AKAP6: variants seen among roughly 807,000 people sequenced by gnomAD.
AKAP6 encodes A-kinase anchoring protein 6.
In AKAP6, 58 loss-of-function variants were observed where a neutral mutation model predicts 188.5. The observed-to-expected ratio is 0.31, with a 90% CI of 0.25 to 0.38. The LOEUF is 0.38. Ranked by LOEUF, AKAP6 falls within the 10% of genes least tolerant of loss-of-function variation. The probability of loss-of-function intolerance (pLI) is 1.00; values close to 1 mark genes in which losing one functional copy is unlikely to be tolerated. For missense variants in AKAP6, 2,710 were observed against 2,740.0 expected, an observed-to-expected ratio of 0.99 and a Z score of 0.24; for synonymous variants, 989 against 998.6, an observed-to-expected ratio of 0.99 and a Z score of 0.18.
intron 7 of AKAP6, among the ~76,000 whole-genome samples, chr14:32,650,393 G>T (rs946955562): frequency 6.6e-6 from 1 of 152,058 alleles, no homozygotes; most frequent in Non-Finnish European, 1.5e-5. Flanking sequence ...CGGGCGGATT[G>T]CTTGAGGCCA....
chr14:32,439,715 G>A (rs1890506554), intron 2 of AKAP6, among the ~76,000 whole-genome samples: 1 of 152,138 alleles, frequency 6.6e-6, no homozygotes, highest in Admixed American at 6.6e-5. Flanking sequence ...TCTAAAACAT[G>A]CCCTTGGATT....
rs77073935 is a variant in AKAP6 at position 32,358,410 on chromosome 14, T to C, written c.-35+29002T>C. Among the ~76,000 whole-genome samples the C allele has an allele frequency of 6.5e-3, 996 of 152,314 alleles. 9 individuals are homozygous for C. Among genetic ancestry groups the C allele is most frequent in the Non-Finnish European group, 9.8e-3 (670 of 68,028 alleles). On this transcript the variant is annotated intron_variant, in intron 1 of 13. Transcript: ENST00000280979. ...AAACTGTTTGTTCTTGGCATAAAAA[T>C]GAAATGAACTCTTGCTTATTTTCTT...
intron 12 of AKAP6, among the ~76,000 whole-genome samples, chr14:32,787,040 G>A (rs1407077379): frequency 6.6e-6 from 1 of 152,162 alleles, no homozygotes; most frequent in Non-Finnish European, 1.5e-5. Context: ...CGATAAATGG[G>A]ATGGCCCCAG....
At chr14:32,681,817 T>G (rs1889688832) in intron 8 of AKAP6, among the ~76,000 whole-genome samples, 1 of 152,092 alleles carries the variant, frequency 6.6e-6, no homozygotes, top group Non-Finnish European at 1.5e-5. Context: ...TCACTGGGAC[T>G]ACTGGGGTGG....
At position 32,786,296 on chromosome 14, in the gene AKAP6, A is replaced by ATGTTTTTTTTTTTTTTTTTTTTTT; in HGVS notation, c.3588+12404_3588+12405insGTTTTTTTTTTTTTTTTTTTTTTT. Among the ~76,000 whole-genome samples, 449 of 93,618 alleles carry ATGTTTTTTTTTTTTTTTTTTTTTT rather than the reference A, an allele frequency of 4.8e-3. 154 individuals are homozygous for ATGTTTTTTTTTTTTTTTTTTTTTT. The highest frequency in any genetic ancestry group is 5.4e-3 in the East Asian group (18 of 3,348). 61.4% of individuals were successfully genotyped at this position (93,618 alleles called of 152,430 possible). A position where few individuals can be genotyped will look rare whatever the true frequency, so the allele number is the denominator to read the frequency against. ...AGCCCTCTGAAAGACCTAAACCTTT[A>ATGTTTTTTTTTTTTTTTTTTTTTT]TCTTTTTTTTTTTTTTTTTTTTTTT... On this transcript the variant is annotated intron_variant, in intron 12 of 13. Transcript: ENST00000280979.
At chr14:32,644,659 A>G (rs1226252831) in intron 7 of AKAP6, among the ~76,000 whole-genome samples, 4 of 152,072 alleles carry the variant, frequency 2.6e-5, no homozygotes, top group Non-Finnish European at 5.9e-5. Flanking sequence ...TTGGGGACCA[A>G]CATTTTTTTT....
rs1301096572 is a variant in AKAP6, at chr14:32,831,594, A to C, written c.*1789A>C. On this transcript the variant is annotated 3_prime_UTR_variant, in exon 14 of 14. Transcript: ENST00000280979. ...CCAGAAGATGCAATGTTGAACAAAC[A>C]GACAAAGCCCTGCCCTCAGAAGGCT... is the stretch of plus-strand genomic sequence containing the variant. 1 of 152,248 alleles carries C rather than the reference A, an allele frequency of 6.6e-6. No individual in the cohort carries two copies. Among genetic ancestry groups the C allele is most frequent in the Non-Finnish European group, 1.5e-5 (1 of 68,040 alleles). 9.4% of individuals were successfully genotyped at this position (152,248 alleles called of 1,614,324 possible).
intron 1 of AKAP6, among the ~76,000 whole-genome samples, chr14:32,330,667 T>C (rs1263862596): frequency 1.3e-5 from 2 of 150,646 alleles, no homozygotes; most frequent in Non-Finnish European, 3.0e-5. Context: ...TAAAGAGATA[T>C]ATCATGGAAA....
At chr14:32,419,558 A>G (rs1461115363) in intron 1 of AKAP6, among the ~76,000 whole-genome samples, 3 of 152,160 alleles carry the variant, frequency 2.0e-5, no homozygotes, top group East Asian at 1.9e-4. Flanking sequence ...GCCTGATTCA[A>G]TTGTCTTAAA....
chr14:32,678,338 G>A lies in AKAP6; in HGVS notation c.2758G>A (p.Ala920Thr), dbSNP rs372455705. ...TGAGGTTCAACTATGCTACCTGGAA[G>A]CACAAAGAGATGCTGTTGAGCAGAT... The part of the protein sequence containing the change: ...KAEVQLCYLE[A>T]QRDAVEQMSL... Residue 920 changes from alanine to threonine, a missense_variant, in exon 8 of 14, where the codon GCA becomes ACA. Coordinates refer to ENST00000280979, the MANE Select transcript of AKAP6 (RefSeq NM_004274.5). 1.1e-4 allele frequency: 182 copies of A among 1,612,796 alleles called. 1 individual carries two copies. The highest frequency in any genetic ancestry group is 1.2e-4 in the Non-Finnish European group (142 of 1,179,192).
intron 1 of AKAP6, among the ~76,000 whole-genome samples, chr14:32,394,102 T>C (rs746744116): frequency 6.6e-6 from 1 of 152,182 alleles, no homozygotes; most frequent in Non-Finnish European, 1.5e-5. Context: ...TTTTTGAGTA[T>C]GAAATTGACA....
chr14:32,444,052 A>G (rs1293949617), intron 2 of AKAP6, among the ~76,000 whole-genome samples: 1 of 152,204 alleles, frequency 6.6e-6, no homozygotes, highest in Non-Finnish European at 1.5e-5. Flanking sequence ...ATTATGAAAG[A>G]CCACAAAAAT....
At chr14:32,402,960 G>A (rs1419126990) in intron 1 of AKAP6, 1 of 152,226 alleles carries the variant, frequency 6.6e-6, no homozygotes, top group Non-Finnish European at 1.5e-5. Context: ...TAGAACTCCT[G>A]ACCTCAAGTG....
At chr14:32,672,129 C>T (rs920003246) in intron 7 of AKAP6, among the ~76,000 whole-genome samples, 10 of 152,074 alleles carry the variant, frequency 6.6e-5, no homozygotes, top group South Asian at 2.1e-4. Flanking sequence ...GCCAAATTTC[C>T]ATAAAATATT....
At chr14:32,605,073 T>C (rs776490583) in intron 7 of AKAP6, among the ~76,000 whole-genome samples, 10 of 152,130 alleles carry the variant, frequency 6.6e-5, no homozygotes, top group Non-Finnish European at 1.3e-4. Flanking sequence ...GAACATGTGG[T>C]GTTTGGTTTT....
chr14:32,454,656 TCTCCTTCCCTCCTTCC>T (rs1253542129), intron 2 of AKAP6, among the ~76,000 whole-genome samples: 1 of 22,632 alleles, frequency 4.4e-5, no homozygotes, highest in Admixed American at 4.3e-4. Context: ...TCCTTCCCTC[TCTCCTTCCCTCCTTCC>T]CTCCTTCCCT....
intron 7 of AKAP6, among the ~76,000 whole-genome samples, chr14:32,675,512 G>A (rs1474208584): frequency 6.6e-6 from 1 of 151,906 alleles, no homozygotes; most frequent in Non-Finnish European, 1.5e-5. Flanking sequence ...TTTATCTTTG[G>A]ACTAAAATAT....
rs912003566 is a variant in AKAP6, at chr14:32,445,463, C to T, written c.324+11646C>T. ...TCTTGGCTCACTGCAACCTCTGCCT[C>T]CCTGGTTCTACCAATTCTCCTGCCT... On this transcript the variant is annotated intron_variant, in intron 2 of 13. Coordinates refer to ENST00000280979, the MANE Select transcript of AKAP6 (RefSeq NM_004274.5). Among the ~76,000 whole-genome samples, 2 of 152,258 alleles carry T rather than the reference C, an allele frequency of 1.3e-5. 1 individual carries two copies. Among genetic ancestry groups the T allele is most frequent in the Middle Eastern group, 6.8e-3 (2 of 294 alleles).
At chr14:32,378,104 T>C (rs1224731106) in intron 1 of AKAP6, among the ~76,000 whole-genome samples, 3 of 152,144 alleles carry the variant, frequency 2.0e-5, no homozygotes, top group African/African-American at 4.8e-5. Flanking sequence ...ACTCTCAAAA[T>C]TTTTCATAGT....
Sources: gnomAD v4.1 joint callset for allele counts (sites outside exome capture counted in the v4.1 genomes callset) on GRCh38, gnomAD v4.1.1 for gene constraint, MANE v1.5 for transcripts, NCBI Gene and HGNC (gene_info 2026-07-23, HGNC 2026-07-21) for gene names.